The following PRKAG2 variants were observed in gnomAD, a reference collection of about 807,000 sequenced individuals.
PRKAG2 encodes the protein 5'-AMP-activated protein kinase subunit gamma-2.
In PRKAG2, 26 loss-of-function variants were observed where a neutral mutation model predicts 69.6. That is an observed-to-expected ratio of 0.37 (90% CI 0.27 to 0.52). The LOEUF is 0.52. Ranked by LOEUF, PRKAG2 falls within the 20% of genes least tolerant of loss-of-function variation. The pLI is 0.90. For missense variants in PRKAG2, 557 were observed against 740.0 expected, an observed-to-expected ratio of 0.75 and a Z score of 2.87; for synonymous variants, 293 against 285.0, an observed-to-expected ratio of 1.03 and a Z score of -0.28.
chr7:151,606,328 G>A (rs1817550865), intron 5 of PRKAG2, among the ~76,000 whole-genome samples: 1 of 152,060 alleles, frequency 6.6e-6, no homozygotes. Context: ...TTTTAATGTC[G>A]CTTTTCTACT....
intron 3 of PRKAG2, among the ~76,000 whole-genome samples, chr7:151,701,842 CAAAA>C (rs71533538): frequency 4.3e-5 from 4 of 92,482 alleles, no homozygotes; most frequent in South Asian, 3.4e-4. Flanking sequence ...GACTCTGTCT[CAAAA>C]AAAAAAAAAA....
intron 15 of PRKAG2, chr7:151,558,770 A>T (rs1482160482): frequency 1.0e-6 from 1 of 985,350 alleles, no homozygotes. Flanking sequence ...AGCTGGAAAT[A>T]GATTCCTCTC....
At chr7:151,569,955 C>G (rs552543530) in intron 10 of PRKAG2, among the ~76,000 whole-genome samples, 1 of 152,196 alleles carries the variant, frequency 6.6e-6, no homozygotes, top group African/African-American at 2.4e-5. Flanking sequence ...TTTAGTATGA[C>G]CCTATTACTA....
At chr7:151,847,873 A>C (rs2079471588) in intron 1 of PRKAG2, among the ~76,000 whole-genome samples, 1 of 152,240 alleles carries the variant, frequency 6.6e-6, no homozygotes, top group Non-Finnish European at 1.5e-5. Context: ...GGCTCCCCGG[A>C]GCAGACTGGG....
At position 151,830,178 on chromosome 7, in the gene PRKAG2, T is replaced by C. The variant is rs2078992346; in HGVS notation, c.115-43637A>G. On this transcript the variant is annotated intron_variant, in intron 1 of 15. Transcript: ENST00000287878. Reference sequence around the variant, plus strand: ...GACACCTGGGGTCGCTGATAGAAGTTCAGCGGTTTGCCATTCGCCATTCTC... The same window carrying C: ...GACACCTGGGGTCGCTGATAGAAGTCCAGCGGTTTGCCATTCGCCATTCTC... 2.6e-5 allele frequency among the ~76,000 whole-genome samples: 4 copies of C among 151,416 alleles called. 1 individual carries two copies. The South Asian group carries it at 8.3e-4, about 32-fold the overall frequency.
chr7:151,832,901 G>A (rs561777552), intron 1 of PRKAG2, among the ~76,000 whole-genome samples: 15 of 152,260 alleles, frequency 9.9e-5, no homozygotes, highest in African/African-American at 2.4e-4. Context: ...TGCAGGACCC[G>A]CTCCGGACTA....
intron 1 of PRKAG2, among the ~76,000 whole-genome samples, chr7:151,855,013 A>G (rs113991800): frequency 0.048 from 1,697 of 35,494 alleles, 71 homozygotes; most frequent in East Asian, 0.11. Context: ...CACACACACC[A>G]CCCTCCACAC....
At chr7:151,626,722 A>C (rs371030793) in intron 5 of PRKAG2, among the ~76,000 whole-genome samples, 1 of 149,776 alleles carries the variant, frequency 6.7e-6, no homozygotes, top group Admixed American at 6.6e-5. Flanking sequence ...ACAAATACAC[A>C]GGGAGGCAAT....
At chr7:151,615,376 C>T (rs2151240249) in intron 5 of PRKAG2, among the ~76,000 whole-genome samples, 1 of 152,290 alleles carries the variant, frequency 6.6e-6, no homozygotes, top group East Asian at 1.9e-4. Context: ...AATTTATATT[C>T]CTTTGGGTAT....
chr7:151,640,740 A>G (rs1375486588), intron 4 of PRKAG2, among the ~76,000 whole-genome samples: 1 of 151,948 alleles, frequency 6.6e-6, no homozygotes, highest in East Asian at 1.9e-4. Context: ...CTGAACCCAC[A>G]TGCTTCCATA....
At chr7:151,782,732 G>A (rs2076783087) in intron 2 of PRKAG2, among the ~76,000 whole-genome samples, 1 of 152,202 alleles carries the variant, frequency 6.6e-6, no homozygotes, top group Non-Finnish European at 1.5e-5. Context: ...TCTGTAAAAT[G>A]AGGATGGCCG....
At position 151,876,907 on chromosome 7, in the gene PRKAG2, G is replaced by C. The variant is rs75059373; in HGVS notation, c.-287C>G. ...GGGTTACTCGTGGCTGAGGTCTCCC[G>C]CTGGGTGACAAAGTTTTCTTCCTTT... On this transcript the variant is annotated 5_prime_UTR_variant, in exon 1 of 16. Transcript: ENST00000287878. The C allele has an allele frequency of 2.2e-3, 1,164 of 520,880 alleles. 7 individuals carry two copies. The highest frequency in any genetic ancestry group is 0.02 in the African/African-American group (1,057 of 52,406). 32.3% of individuals were successfully genotyped at this position (520,880 alleles called of 1,614,324 possible).
intron 5 of PRKAG2, among the ~76,000 whole-genome samples, chr7:151,597,120 C>A (rs1814748725): frequency 6.6e-6 from 1 of 152,118 alleles, no homozygotes; most frequent in Middle Eastern, 3.2e-3. Flanking sequence ...GAAATAAATC[C>A]ACACATTACA....
At chr7:151,647,804 G>T (rs1410766356) in intron 4 of PRKAG2, among the ~76,000 whole-genome samples, 2 of 152,184 alleles carry the variant, frequency 1.3e-5, no homozygotes, top group African/African-American at 2.4e-5. Context: ...CCTAATATCT[G>T]CATACAGTAG....
intron 3 of PRKAG2, among the ~76,000 whole-genome samples, chr7:151,748,417 G>T (rs1468617559): frequency 1.3e-5 from 2 of 152,144 alleles, no homozygotes; most frequent in African/African-American, 2.4e-5. Flanking sequence ...AGAGCAGAGG[G>T]AAAACTGGGA....
intron 11 of PRKAG2, 121 bp from the exon 12 acceptor site, chr7:151,566,006 A>G (rs1413445056): frequency 1.8e-6 from 2 of 1,098,906 alleles, no homozygotes; most frequent in East Asian, 4.8e-5. Flanking sequence ...CTAACAGTCT[A>G]CCTGGATGCC....
chr7:151,611,224 C>T (rs1818759478), intron 5 of PRKAG2, among the ~76,000 whole-genome samples: 1 of 152,210 alleles, frequency 6.6e-6, no homozygotes, highest in African/African-American at 2.4e-5. Flanking sequence ...ATCTGGAACC[C>T]ACACACAGAG....
chr7:151,642,854 A>G (rs1156297931), intron 4 of PRKAG2, among the ~76,000 whole-genome samples: 1 of 152,220 alleles, frequency 6.6e-6, no homozygotes, highest in African/African-American at 2.4e-5. Context: ...AAAATAGGAG[A>G]CAATGGTAAG....
chr7:151,580,457 G>A (rs1239636618), intron 6 of PRKAG2, among the ~76,000 whole-genome samples: 1 of 152,154 alleles, frequency 6.6e-6, no homozygotes, highest in Non-Finnish European at 1.5e-5. Context: ...AGATGTAGGT[G>A]AACATAAATC....
Sources: gnomAD v4.1 joint callset for allele counts (sites outside exome capture counted in the v4.1 genomes callset) on GRCh38, gnomAD v4.1.1 for gene constraint, MANE v1.5 for transcripts, NCBI Gene and HGNC (gene_info 2026-07-23, HGNC 2026-07-21) for gene names.